The following SLA variants were observed in gnomAD, a reference collection of about 807,000 sequenced individuals.
SLA encodes the protein Src like adaptor.
In SLA, 16 loss-of-function variants were observed where a neutral mutation model predicts 30.3. The observed-to-expected ratio is 0.53, with a 90% CI of 0.36 to 0.80. The LOEUF (loss-of-function observed/expected upper bound fraction) is 0.80. Ranked by LOEUF, SLA falls within the 30% of genes least tolerant of loss-of-function variation. SLA has a pLI of 0.01. For synonymous variants in SLA, 143 were observed against 137.8 expected, an observed-to-expected ratio of 1.04 and a Z score of -0.26; for missense variants, 310 against 345.2, an observed-to-expected ratio of 0.90 and a Z score of 0.81.
intron 2 of SLA, among the ~76,000 whole-genome samples, chr8:133,064,870 TG>T (rs1239424389): frequency 2.6e-5 from 4 of 152,066 alleles, no homozygotes; most frequent in African/African-American, 9.7e-5. Flanking sequence ...GCCTTGCTGC[TG>T]GGAAGGAGGG....
At chr8:133,060,237 G>A in intron 2 of SLA, 37 bp from the exon 3 acceptor site, 2 of 1,612,688 alleles carry the variant, frequency 1.2e-6, no homozygotes, top group Non-Finnish European at 1.7e-6. Flanking sequence ...AGTCAACCGT[G>A]CCCTGAGCCC....
chr8:133,050,905 G>A lies in SLA; in HGVS notation c.72C>T (p.Ser24=), dbSNP rs537553065. 3.5e-5 allele frequency: 57 copies of A among 1,611,246 alleles called. No individual in the cohort carries two copies. The highest frequency in any genetic ancestry group is 1.7e-4 in the Middle Eastern group (1 of 6,050). The change falls in exon 4 of 9, where the codon AGC becomes AGT. Residue 24 remains serine, a synonymous_variant. Transcript: ENST00000338087. ...AGTCACTTAGCACGGCAAGGAAGTC[G>A]CTATCCAGTCCTGGGGAAACAAAGG... ...RPLPNPEGLD[S]DFLAVLSDYP... is the part of the protein sequence containing the mutation.
Position 133,038,550 on chromosome 8 carries a change from A to G in SLA, c.805T>C (p.Ser269Pro), listed in dbSNP as rs1837517253. ...TAGTCCTCAAAGTAAGGTGGTGATGAGAAGAATGAGCTCTTTCTCTTGCTG... is the reference window on the plus strand; with the variant it reads ...TAGTCCTCAAAGTAAGGTGGTGATGGGAAGAATGAGCTCTTTCTCTTGCTG... ...GGSKRKSSFF[S>P]SPPYFED is the part of the protein sequence containing the mutation. The change falls in exon 9 of 9, where the codon TCA (serine) becomes CCA (proline). Residue 269 changes from serine to proline, a missense_variant. By Grantham distance (74) the Ser-to-Pro change is moderately conservative (BLOSUM62 -1). Transcript: ENST00000338087. 2 of 1,613,736 alleles carry G rather than the reference A, an allele frequency of 1.2e-6. No individual in the cohort carries two copies. Among genetic ancestry groups the G allele is most frequent in the African/African-American group, 1.3e-5 (1 of 75,038 alleles).
intron 2 of SLA, among the ~76,000 whole-genome samples, chr8:133,072,332 G>C (rs1351835409): frequency 1.3e-5 from 2 of 152,248 alleles, no homozygotes; most frequent in Non-Finnish European, 2.9e-5. Flanking sequence ...GGTTTGAACA[G>C]AGTGTACTTA....
intron 3 of SLA, among the ~76,000 whole-genome samples, chr8:133,057,587 G>A (rs1288586874): frequency 1.3e-5 from 2 of 152,064 alleles, no homozygotes; most frequent in African/African-American, 2.4e-5. Context: ...GGGGCAGCCC[G>A]AGTGACTCAC....
At chr8:133,043,779 A>G (rs1278798264) in intron 7 of SLA, among the ~76,000 whole-genome samples, 3 of 152,344 alleles carry the variant, frequency 2.0e-5, no homozygotes, top group Non-Finnish European at 4.4e-5. Flanking sequence ...TTGCTTGCTC[A>G]GTTCAAGAGC....
At chr8:133,047,737 G>A (rs961810482) in intron 6 of SLA, 93 bp downstream of exon 6, 2 of 793,808 alleles carry the variant, frequency 2.5e-6, no homozygotes, top group Admixed American at 3.6e-5. Flanking sequence ...ATGGACGTAG[G>A]AGGAAGGAAA....
chr8:133,090,793 A>T (rs891564555), intron 1 of SLA, among the ~76,000 whole-genome samples: 1 of 152,222 alleles, frequency 6.6e-6, no homozygotes, highest in African/African-American at 2.4e-5. Context: ...CAAAATGGCC[A>T]TGGGCAGAGC....
chr8:133,060,398 A>C, intron 2 of SLA, 198 bp from the exon 3 acceptor site: 1 of 1,516,722 alleles, frequency 6.6e-7, no homozygotes, highest in East Asian at 2.5e-5. Context: ...AGGGAATGAC[A>C]GAAAAACCAC....
At chr8:133,082,574 G>T (rs1487604418) in intron 1 of SLA, among the ~76,000 whole-genome samples, 1 of 152,198 alleles carries the variant, frequency 6.6e-6, no homozygotes, top group Non-Finnish European at 1.5e-5. Flanking sequence ...GGAAACAGCG[G>T]CTGGACATTG....
rs904206409 is a variant in SLA, at chr8:133,059,183, G to T, written c.61+917C>A. On this transcript the variant is annotated intron_variant, in intron 3 of 8. Coordinates refer to ENST00000338087, the MANE Select transcript of SLA (RefSeq NM_001045556.3). ...CTGCAGGGGCTGCTGGGAACCATGTGTGGTCACCCCTGCGAGGAAATGGGA... is the reference window on the plus strand; with the variant it reads ...CTGCAGGGGCTGCTGGGAACCATGTTTGGTCACCCCTGCGAGGAAATGGGA... 25 of 455,478 alleles carry T rather than the reference G, an allele frequency of 5.5e-5. No individual in the cohort carries two copies. The East Asian group carries it at 9.7e-4, about 18-fold the overall frequency. 28.2% of individuals were successfully genotyped at this position (455,478 alleles called of 1,614,324 possible). A position where few individuals can be genotyped will look rare whatever the true frequency, so the allele number is the denominator to read the frequency against.
chr8:133,060,239 C>T (rs1842176629), intron 2 of SLA, 39 bp from the exon 3 acceptor site: 1 of 1,612,354 alleles, frequency 6.2e-7, no homozygotes, highest in South Asian at 1.1e-5. Context: ...TCAACCGTGC[C>T]CTGAGCCCTC....
intron 1 of SLA, among the ~76,000 whole-genome samples, chr8:133,098,374 G>A (rs1848748965): frequency 6.6e-6 from 1 of 152,238 alleles, no homozygotes; most frequent in African/African-American, 2.4e-5. Context: ...AGAAATGGAA[G>A]TTCTAGTCTT....
chr8:133,052,875 C>T (rs985040119), intron 3 of SLA, among the ~76,000 whole-genome samples: 16 of 152,166 alleles, frequency 1.1e-4, no homozygotes, highest in African/African-American at 3.1e-4. Flanking sequence ...CTGAGTGGGA[C>T]GCCTCCTTCT....
At chr8:133,047,064 A>T (rs889584933) in intron 6 of SLA, 4 of 152,200 alleles carry the variant, frequency 2.6e-5, no homozygotes, top group African/African-American at 9.7e-5. Context: ...GGGGATAAAC[A>T]TGGTACTCTC....
In SLA at chr8:133,042,142, G is replaced by A. The variant is rs530585451; in HGVS notation, c.485-2012C>T. 2.6e-5 allele frequency among the ~76,000 whole-genome samples: 4 copies of A among 152,204 alleles called. No homozygotes were observed. The East Asian group carries it at 7.7e-4, about 29-fold the overall frequency. On this transcript the variant is annotated intron_variant, in intron 7 of 8. Transcript: ENST00000338087. ...GAAAAACTGAGCATCCCGAGATGAA[G>A]TAACTTACTCAGGGCCGTAGAAATG...
intron 5 of SLA, chr8:133,048,741 T>G (rs1445488750): frequency 6.3e-6 from 1 of 159,356 alleles, no homozygotes; most frequent in Admixed American, 6.1e-5. Flanking sequence ...GACTCCCATC[T>G]CTTTCAGAAC....
Position 133,096,215 on chromosome 8 carries a change from G to A in SLA, c.-319+6338C>T, listed in dbSNP as rs61730222. 2.8e-5 allele frequency: 45 copies of A among 1,614,082 alleles called. No individual in the cohort carries two copies. The highest frequency in any genetic ancestry group is 3.1e-5 in the Non-Finnish European group (37 of 1,180,052). ...GTTGCATCCAATGCAGCTCCTGGCC[G>A]TGAGTGGCCCTTTCCACTACTGGGG... On this transcript the variant is annotated intron_variant, in intron 1 of 8. Coordinates refer to ENST00000338087, the MANE Select transcript of SLA (RefSeq NM_001045556.3).
chr8:133,095,086 A>G (rs1304268800), intron 1 of SLA: 1 of 1,614,120 alleles, frequency 6.2e-7, no homozygotes, highest in Non-Finnish European at 8.5e-7. Context: ...CAGCCATGAG[A>G]GGGCTCAGCA....
Sources: allele counts gnomAD v4.1 joint callset (sites outside exome capture counted in the v4.1 genomes callset), GRCh38; gene constraint gnomAD v4.1.1; transcripts MANE v1.5; gene names NCBI Gene and HGNC (gene_info 2026-07-23, HGNC 2026-07-21).